SORCS3: variants seen among roughly 807,000 people sequenced by gnomAD.
SORCS3 encodes VPS10 domain-containing receptor SorCS3.
In SORCS3, 57 loss-of-function variants were observed where a neutral mutation model predicts 146.3. The ratio of observed to expected loss-of-function variants is 0.39; its 90% CI spans 0.31 to 0.49. SORCS3 has a LOEUF of 0.49. SORCS3 is among the 20% of genes least tolerant of loss of function. The probability of loss-of-function intolerance (pLI) is 0.92; values close to 1 mark genes in which losing one functional copy is unlikely to be tolerated. For synonymous variants in SORCS3, 653 were observed against 618.5 expected, an observed-to-expected ratio of 1.06 and a Z score of -0.83; for missense variants, 1,341 against 1,575.5, an observed-to-expected ratio of 0.85 and a Z score of 2.52.
At position 105,125,679 on chromosome 10, in the gene SORCS3, C is replaced by CACACA. The variant is rs370356129; in HGVS notation, c.1213-13718_1213-13717insACACA. On this transcript the variant is annotated intron_variant, in intron 7 of 26. Transcript: ENST00000369701. ...ACATGCATGTTGCATCACTGAATATCCACACACACACACACACACACACAC... is the reference window on the plus strand; with the variant it reads ...ACATGCATGTTGCATCACTGAATATCACACACACACACACACACACACACACACAC... Among the ~76,000 whole-genome samples the CACACA allele has an allele frequency of 7.2e-3, 1,039 of 144,482 alleles. 18 individuals carry two copies. The highest frequency in any genetic ancestry group is 0.021 in the African/African-American group (792 of 38,484). 94.8% of individuals were successfully genotyped at this position (144,482 alleles called of 152,430 possible).
rs1190661598 is a variant in SORCS3 at position 105,043,219 on chromosome 10, G to T, written c.1028+91G>T. The stretch of plus-strand genomic sequence containing the variant: ...ACAGCTCTGGACAGTTGCAGTTCTT[G>T]CAGACAAATGTGTTCCAGTCCTTTG... On this transcript the variant is annotated intron_variant, in intron 5 of 26. Transcript: ENST00000369701. 13 of 1,112,832 alleles carry T rather than the reference G, an allele frequency of 1.2e-5. No homozygotes were observed. The South Asian group carries it at 1.6e-4, about 14-fold the overall frequency. 68.9% of individuals were successfully genotyped at this position (1,112,832 alleles called of 1,614,324 possible).
At chr10:104,806,414 G>T (rs553400292) in intron 1 of SORCS3, among the ~76,000 whole-genome samples, 63 of 152,316 alleles carry the variant, frequency 4.1e-4, no homozygotes, top group African/African-American at 1.5e-3. Flanking sequence ...TTCAGTTGGG[G>T]TGACATGAGA....
Position 104,709,920 on chromosome 10 carries a change from AT to A in SORCS3, c.627+67974del, listed in dbSNP as rs926287368. Among the ~76,000 whole-genome samples the A allele has an allele frequency of 3.0e-4, 46 of 151,598 alleles. No individual in the cohort carries two copies. In the South Asian group the frequency reaches 5.0e-3, roughly 17 times the overall value. The stretch of plus-strand genomic sequence containing the variant: ...GGTTTTTTTTTTTTTAATTAAAAAA[AT>A]TTTTTTTAACCTTTGCTGAATTTTC... On this transcript the variant is annotated intron_variant, in intron 1 of 26. Transcript: ENST00000369701.
At chr10:104,734,729 G>A (rs1414807249) in intron 1 of SORCS3, among the ~76,000 whole-genome samples, 1 of 152,214 alleles carries the variant, frequency 6.6e-6, no homozygotes, top group Non-Finnish European at 1.5e-5. Context: ...CTTTTAACGG[G>A]AGAGACCATG....
chr10:104,742,063 C>G (rs925955163), intron 1 of SORCS3, among the ~76,000 whole-genome samples: 3 of 151,752 alleles, frequency 2.0e-5, no homozygotes, highest in Non-Finnish European at 4.4e-5. Context: ...CTTATTTTGA[C>G]CTTCTGTTTT....
At chr10:105,199,184 G>A (rs1218642302) in intron 14 of SORCS3, among the ~76,000 whole-genome samples, 1 of 150,992 alleles carries the variant, frequency 6.6e-6, no homozygotes, top group African/African-American at 2.4e-5. Context: ...GTCTTGCATT[G>A]TAATTGCAAG....
chr10:105,248,838 T>C lies in SORCS3; in HGVS notation c.3105+1507T>C, dbSNP rs2119743697. On this transcript the variant is annotated intron_variant, in intron 22 of 26. Transcript: ENST00000369701. ...GCTAGGATGGTTATGTCATATTGTG[T>C]AGGGTTTGAGAGACCAAAAGAAGCT... Among the ~76,000 whole-genome samples, 2 of 152,226 alleles carry C rather than the reference T, an allele frequency of 1.3e-5. 1 individual carries two copies. The highest frequency in any genetic ancestry group is 3.9e-4 in the East Asian group (2 of 5,182).
intron 1 of SORCS3, among the ~76,000 whole-genome samples, chr10:104,760,477 A>G (rs933792688): frequency 3.9e-5 from 6 of 152,226 alleles, no homozygotes; most frequent in African/African-American, 1.4e-4. Context: ...CAAGATGTCA[A>G]GAGTTTTATG....
At chr10:105,074,740 G>A (rs2055578353) in intron 5 of SORCS3, among the ~76,000 whole-genome samples, 1 of 152,114 alleles carries the variant, frequency 6.6e-6, no homozygotes, top group Non-Finnish European at 1.5e-5. Flanking sequence ...CTCAGTCTGG[G>A]TCTGGGATAG....
intron 4 of SORCS3, among the ~76,000 whole-genome samples, chr10:105,002,478 G>A (rs1210691593): frequency 1.3e-5 from 2 of 152,268 alleles, no homozygotes; most frequent in Admixed American, 6.5e-5. Context: ...ACTGAGCCGG[G>A]GTATAAGGGC....
intron 1 of SORCS3, among the ~76,000 whole-genome samples, chr10:104,706,953 G>A (rs1460110139): frequency 6.6e-6 from 1 of 152,204 alleles, no homozygotes; most frequent in Non-Finnish European, 1.5e-5. Context: ...TCTAGGGACT[G>A]TGGAGAGAGA....
chr10:105,095,171 T>C (rs1201392824), intron 6 of SORCS3, among the ~76,000 whole-genome samples: 1 of 152,182 alleles, frequency 6.6e-6, no homozygotes, highest in Non-Finnish European at 1.5e-5. Context: ...TAGGACTCAT[T>C]TCAGCTCATT....
At chr10:104,661,182 C>A (rs1054367024) in intron 1 of SORCS3, among the ~76,000 whole-genome samples, 20 of 152,058 alleles carry the variant, frequency 1.3e-4, no homozygotes, top group African/African-American at 4.8e-4. Context: ...TAGTTTATTC[C>A]CCTCTTCTGC....
chr10:105,200,164 A>G, intron 15 of SORCS3, 48 bp downstream of exon 15: 1 of 1,451,768 alleles, frequency 6.9e-7, no homozygotes, highest in Non-Finnish European at 9.6e-7. Context: ...AGGAGGAGCT[A>G]GTGCAAGTCC....
At chr10:104,854,094 G>A (rs1465414145) in intron 2 of SORCS3, among the ~76,000 whole-genome samples, 1 of 152,140 alleles carries the variant, frequency 6.6e-6, no homozygotes, top group Admixed American at 6.5e-5. Flanking sequence ...TCCCAGTTTA[G>A]TTCGTGAACA....
rs534987784 is a variant in SORCS3 at position 104,716,442 on chromosome 10, G to C, written c.627+74488G>C. Among the ~76,000 whole-genome samples the C allele has an allele frequency of 2.0e-5, 3 of 152,184 alleles. No individual in the cohort carries two copies. In the East Asian group the frequency reaches 5.8e-4, roughly 30 times the overall value. On this transcript the variant is annotated intron_variant, in intron 1 of 26. Coordinates refer to ENST00000369701, the MANE Select transcript of SORCS3 (RefSeq NM_014978.3). ...TAAGGCTGAGTTCATGCTGCTGCTAGAAAGAGGGAGAGCTGAGTTTCAAAT... is the reference window on the plus strand; with the variant it reads ...TAAGGCTGAGTTCATGCTGCTGCTACAAAGAGGGAGAGCTGAGTTTCAAAT...
chr10:104,994,290 T>C (rs998130527), intron 4 of SORCS3, among the ~76,000 whole-genome samples: 1 of 152,202 alleles, frequency 6.6e-6, no homozygotes, highest in African/African-American at 2.4e-5. Flanking sequence ...GGAGGAGGTC[T>C]GACCTATCTA....
chr10:104,681,322 G>A (rs1394166263), intron 1 of SORCS3, among the ~76,000 whole-genome samples: 2 of 28,420 alleles, frequency 7.0e-5, no homozygotes, highest in African/African-American at 2.2e-4. Flanking sequence ...GGCCGACTCC[G>A]TCATCCTCCC....
chr10:104,772,063 G>A (rs1047018074), intron 1 of SORCS3, among the ~76,000 whole-genome samples: 5 of 152,214 alleles, frequency 3.3e-5, no homozygotes, highest in Non-Finnish European at 7.3e-5. Context: ...CGATAGGTGG[G>A]GCTTGGGTGT....
Sources: gnomAD v4.1 joint callset for allele counts (sites outside exome capture counted in the v4.1 genomes callset) on GRCh38, gnomAD v4.1.1 for gene constraint, MANE v1.5 for transcripts, NCBI Gene and HGNC (gene_info 2026-07-23, HGNC 2026-07-21) for gene names.